The following SOX5 variants were observed in gnomAD, a reference collection of about 807,000 sequenced individuals.
SOX5 encodes SRY-box transcription factor 5.
Under a neutral mutation model 92.0 loss-of-function variants are expected in SOX5, and 9 were observed. That is an observed-to-expected ratio of 0.10 (90% CI 0.06 to 0.17). The LOEUF (loss-of-function observed/expected upper bound fraction) is 0.17, where lower values mean the gene tolerates loss of function less well. Ranked by LOEUF, SOX5 falls within the 10% of genes least tolerant of loss-of-function variation. The pLI, the probability that SOX5 is intolerant of heterozygous loss-of-function variation, is 1.00. For synonymous variants in SOX5, 344 were observed against 336.3 expected, an observed-to-expected ratio of 1.02 and a Z score of -0.25; for missense variants, 642 against 944.5, an observed-to-expected ratio of 0.68 and a Z score of 4.20.
At chr12:23,851,867 T>C (rs1182326341) in intron 2 of SOX5, among the ~76,000 whole-genome samples, 1 of 152,096 alleles carries the variant, frequency 6.6e-6, no homozygotes, top group Non-Finnish European at 1.5e-5. Flanking sequence ...CTTAAGATTA[T>C]ATATTTTAGA....
chr12:24,285,153 A>G (rs971714291), intron 2 of SOX5, among the ~76,000 whole-genome samples: 1 of 152,128 alleles, frequency 6.6e-6, no homozygotes. Flanking sequence ...AAAGAAAAAA[A>G]AATAATCAGA....
chr12:23,666,907 G>A (rs751121494), intron 6 of SOX5, among the ~76,000 whole-genome samples: 3 of 152,086 alleles, frequency 2.0e-5, no homozygotes, highest in Non-Finnish European at 4.4e-5. Context: ...TTTCCCAGTC[G>A]CATTACACAT....
intron 3 of SOX5, among the ~76,000 whole-genome samples, chr12:23,761,544 G>C (rs571607449): frequency 8.6e-5 from 13 of 152,046 alleles, no homozygotes; most frequent in Non-Finnish European, 1.9e-4. Flanking sequence ...TCATTTTACA[G>C]ACTAAAAAAG....
At position 24,338,914 on chromosome 12, in the gene SOX5, C is replaced by T. The variant is rs138413557; in HGVS notation, c.-174+29649G>A. ...TAAACCTCTTTTTCTTTATAAATTA[C>T]CCAGTCTCAGGTATTTCTTCACAGT... On this transcript the variant is annotated intron_variant, in intron 2 of 4. Coordinates refer to the SOX5 transcript ENST00000446891. Among the ~76,000 whole-genome samples the T allele has an allele frequency of 2.5e-3, 376 of 152,210 alleles. 1 individual carries two copies. The highest frequency in any genetic ancestry group is 8.2e-3 in the African/African-American group (341 of 41,538).
intron 6 of SOX5, among the ~76,000 whole-genome samples, chr12:23,722,465 A>G (rs2092873660): frequency 6.6e-6 from 1 of 152,166 alleles, no homozygotes; most frequent in Non-Finnish European, 1.5e-5. Context: ...GGTCAAAGCT[A>G]GCTGTTCATA....
intron 4 of SOX5, among the ~76,000 whole-genome samples, chr12:24,210,647 A>G (rs1471800596): frequency 6.6e-6 from 1 of 152,192 alleles, no homozygotes; most frequent in Non-Finnish European, 1.5e-5. Flanking sequence ...ATTATATATC[A>G]TTATCATTAA....
At chr12:24,262,231 T>C (rs773606233) in intron 3 of SOX5, among the ~76,000 whole-genome samples, 9 of 152,178 alleles carry the variant, frequency 5.9e-5, no homozygotes, top group Non-Finnish European at 8.8e-5. Flanking sequence ...ATGAGTTGTA[T>C]GGGACTCTTT....
intron 2 of SOX5, among the ~76,000 whole-genome samples, chr12:23,881,355 C>G (rs183315535): frequency 2.8e-4 from 43 of 152,262 alleles, no homozygotes; most frequent in African/African-American, 1.0e-3. Context: ...TTCATTCCCT[C>G]GCAATTTCTT....
At chr12:24,270,533 T>C (rs12230619) in intron 3 of SOX5, among the ~76,000 whole-genome samples, 1 of 152,300 alleles carries the variant, frequency 6.6e-6, no homozygotes, top group East Asian at 1.9e-4. Context: ...TTATCTATCA[T>C]GAGATATATG....
At chr12:23,922,450 T>G (rs1938576256) in intron 1 of SOX5, among the ~76,000 whole-genome samples, 1 of 152,214 alleles carries the variant, frequency 6.6e-6, no homozygotes, top group East Asian at 1.9e-4. Flanking sequence ...AACCAAGGGT[T>G]TTCTGTCAAG....
intron 4 of SOX5, among the ~76,000 whole-genome samples, chr12:24,132,719 C>G (rs1949761909): frequency 6.6e-6 from 1 of 151,996 alleles, no homozygotes; most frequent in African/African-American, 2.4e-5. Flanking sequence ...TAAAATCAAA[C>G]AAGCAAAAAC....
chr12:24,484,232 G>A (rs1006500514), intron 1 of SOX5, among the ~76,000 whole-genome samples: 1 of 151,932 alleles, frequency 6.6e-6, no homozygotes, highest in Non-Finnish European at 1.5e-5. Flanking sequence ...CTTGTTACTT[G>A]TCTCTGATTG....
intron 1 of SOX5, among the ~76,000 whole-genome samples, chr12:24,427,111 G>A (rs550022411): frequency 1.3e-5 from 2 of 152,256 alleles, no homozygotes; most frequent in East Asian, 3.9e-4. Context: ...GTACCTATTA[G>A]CGATATACCT....
intron 4 of SOX5, among the ~76,000 whole-genome samples, chr12:24,180,790 A>C (rs1294797767): frequency 6.6e-6 from 1 of 152,216 alleles, no homozygotes; most frequent in Non-Finnish European, 1.5e-5. Context: ...CACATCATAC[A>C]TGCATTTTTA....
At chr12:24,530,283 G>A (rs1461351371) in intron 1 of SOX5, among the ~76,000 whole-genome samples, 1 of 152,306 alleles carries the variant, frequency 6.6e-6, no homozygotes. Context: ...GGCAAGGAAA[G>A]AAAGAGTCAG....
At chr12:23,988,582 A>G (rs774692056) in intron 4 of SOX5, among the ~76,000 whole-genome samples, 4 of 152,226 alleles carry the variant, frequency 2.6e-5, no homozygotes, top group Non-Finnish European at 5.9e-5. Flanking sequence ...GAAAACCATA[A>G]ATAAGCAAGC....
chr12:23,941,415 A>G (rs1392606743), intron 1 of SOX5, among the ~76,000 whole-genome samples: 1 of 151,592 alleles, frequency 6.6e-6, no homozygotes, highest in East Asian at 1.9e-4. Flanking sequence ...TTATTTTTCA[A>G]GTAATGCTAA....
intron 4 of SOX5, among the ~76,000 whole-genome samples, chr12:24,171,361 C>T (rs1954134733): frequency 6.6e-6 from 1 of 151,428 alleles, no homozygotes; most frequent in African/African-American, 2.4e-5. Flanking sequence ...GTAGCTGGGA[C>T]TACAGGCACA....
chr12:23,548,245 C>T (rs997756303), intron 11 of SOX5, among the ~76,000 whole-genome samples: 3 of 152,126 alleles, frequency 2.0e-5, no homozygotes, highest in East Asian at 1.9e-4. Flanking sequence ...AAGAACGACA[C>T]GTTAAGTGAC....
Sources: allele counts gnomAD v4.1 joint callset (sites outside exome capture counted in the v4.1 genomes callset), GRCh38; gene constraint gnomAD v4.1.1; transcripts MANE v1.5; gene names NCBI Gene and HGNC (gene_info 2026-07-23, HGNC 2026-07-21).